Variants in SPMIP2 observed in about 807,000 individuals in gnomAD.
SPMIP2 encodes sperm microtubule inner protein 2.
chr4:159,055,442 C>T, the SPMIP2 span, among the ~76,000 whole-genome samples: 1 of 152,146 alleles, frequency 6.6e-6, no homozygotes, highest in Non-Finnish European at 1.5e-5. Context: ...GTGGCTCACC[C>T]CTGTATTCCC....
At chr4:158,899,003 T>C in the SPMIP2 span, among the ~76,000 whole-genome samples, 10 of 152,350 alleles carry the variant, frequency 6.6e-5, no homozygotes, top group East Asian at 1.7e-3. Flanking sequence ...TCTTATTATT[T>C]TGGGATACGT....
chr4:158,947,085 G>A, the SPMIP2 span, among the ~76,000 whole-genome samples: 2 of 152,098 alleles, frequency 1.3e-5, no homozygotes, highest in African/African-American at 4.8e-5. Flanking sequence ...AAAGGAAGTG[G>A]GAAGACAGTT....
At chr4:158,967,092 G>A in the SPMIP2 span, among the ~76,000 whole-genome samples, 5 of 152,236 alleles carry the variant, frequency 3.3e-5, no homozygotes, top group South Asian at 1.0e-3. Context: ...TGTTTCCATG[G>A]TCTGTTAGGA....
At chr4:158,996,492 T>C in the SPMIP2 span, among the ~76,000 whole-genome samples, 1 of 152,214 alleles carries the variant, frequency 6.6e-6, no homozygotes, top group African/African-American at 2.4e-5. Context: ...TTTGTGTATA[T>C]AGAACTAATA....
the SPMIP2 span, among the ~76,000 whole-genome samples, chr4:158,897,749 G>A: frequency 1.3e-5 from 2 of 152,140 alleles, no homozygotes; most frequent in Admixed American, 1.3e-4. Flanking sequence ...CCCTTTATCA[G>A]ATGGGAAGAT....
chr4:159,010,997 C>T, the SPMIP2 span, among the ~76,000 whole-genome samples: 330 of 152,244 alleles, frequency 2.2e-3, 1 homozygote, highest in Non-Finnish European at 3.4e-3. Flanking sequence ...GTTCAGCAAA[C>T]ATAACCACAT....
chr4:158,963,909 C>T, the SPMIP2 span, among the ~76,000 whole-genome samples: 1 of 152,064 alleles, frequency 6.6e-6, no homozygotes, highest in Middle Eastern at 3.2e-3. Context: ...CGCCTGTAAT[C>T]CCAGCACTCT....
At chr4:158,994,573 CAAAT>C in the SPMIP2 span, among the ~76,000 whole-genome samples, 1 of 152,208 alleles carries the variant, frequency 6.6e-6, no homozygotes, top group African/African-American at 2.4e-5. Flanking sequence ...GGAAACCCAC[CAAAT>C]AAATAAATCA....
At chr4:159,053,504 T>C in the SPMIP2 span, among the ~76,000 whole-genome samples, 1 of 152,140 alleles carries the variant, frequency 6.6e-6, no homozygotes. Flanking sequence ...ACATTCTTAG[T>C]TTCCCCTAGC....
At chr4:158,924,052 A>T in the SPMIP2 span, among the ~76,000 whole-genome samples, 19 of 152,174 alleles carry the variant, frequency 1.2e-4, no homozygotes, top group African/African-American at 3.9e-4. Context: ...GAGAGCTGTC[A>T]CTCTGCATAT....
chr4:158,945,171 G>C, the SPMIP2 span, among the ~76,000 whole-genome samples: 1 of 152,090 alleles, frequency 6.6e-6, no homozygotes, highest in African/African-American at 2.4e-5. Context: ...ACTGAGGTCC[G>C]CTCTTCTTGA....
the SPMIP2 span, among the ~76,000 whole-genome samples, chr4:158,930,830 G>T: frequency 6.6e-6 from 1 of 152,078 alleles, no homozygotes; most frequent in Non-Finnish European, 1.5e-5. Flanking sequence ...TGTTGTATAT[G>T]ATAGTCATTT....
At chr4:158,990,103 G>A in the SPMIP2 span, among the ~76,000 whole-genome samples, 3 of 152,166 alleles carry the variant, frequency 2.0e-5, no homozygotes, top group African/African-American at 7.2e-5. Context: ...AGACATTTAT[G>A]CAACCAATAA....
chr4:158,973,343 CCA>C, the SPMIP2 span: 1 of 1,350,682 alleles, frequency 7.4e-7, no homozygotes, highest in Non-Finnish European at 1.0e-6. Context: ...TAAAACTTCT[CCA>C]CACTTTATTC....
chr4:158,977,878 C>A, the SPMIP2 span, among the ~76,000 whole-genome samples: 3 of 152,280 alleles, frequency 2.0e-5, no homozygotes, highest in Admixed American at 6.5e-5. Flanking sequence ...CCTCCCAGTG[C>A]TGGGATTACA....
the SPMIP2 span, among the ~76,000 whole-genome samples, chr4:158,998,144 C>A: frequency 1.3e-5 from 2 of 152,252 alleles, no homozygotes; most frequent in Non-Finnish European, 1.5e-5. Context: ...AATTTATGGG[C>A]ACTGAAATTA....
At chr4:158,895,787 A>T in the SPMIP2 span, 1 of 1,613,114 alleles carries the variant, frequency 6.2e-7, no homozygotes, top group South Asian at 1.1e-5. Context: ...CAGGAGATGT[A>T]CCTTAAAAGT....
chr4:159,010,597 T>C, the SPMIP2 span, among the ~76,000 whole-genome samples: 1 of 152,258 alleles, frequency 6.6e-6, no homozygotes, highest in East Asian at 1.9e-4. Flanking sequence ...TGCCTCTTGA[T>C]GCTCTTCAAT....
the SPMIP2 span, among the ~76,000 whole-genome samples, chr4:159,001,582 T>C: frequency 3.3e-5 from 5 of 152,298 alleles, no homozygotes; most frequent in East Asian, 9.6e-4. Flanking sequence ...CACTTATAAG[T>C]GAGAACATGC....
Sources: allele counts gnomAD v4.1 joint callset (sites outside exome capture counted in the v4.1 genomes callset), GRCh38; gene constraint gnomAD v4.1.1; transcripts MANE v1.5; gene names NCBI Gene and HGNC (gene_info 2026-07-23, HGNC 2026-07-21).